Variants in NRXN1 observed in about 807,000 individuals in gnomAD.
The protein encoded by NRXN1 is neurexin-1.
Under a neutral mutation model 150.9 loss-of-function variants are expected in NRXN1, and 39 were observed. The observed-to-expected ratio is 0.26, with a 90% CI of 0.20 to 0.34. NRXN1 has a LOEUF of 0.34. NRXN1 is among the 10% of genes least tolerant of loss of function. NRXN1 has a pLI of 1.00. For missense variants in NRXN1, 1,815 were observed against 1,949.9 expected, an observed-to-expected ratio of 0.93 and a Z score of 1.30; for synonymous variants, 924 against 757.0, an observed-to-expected ratio of 1.22 and a Z score of -3.62.
chr2:50,094,128 T>C (rs1315202872), intron 18 of NRXN1, among the ~76,000 whole-genome samples: 2 of 152,234 alleles, frequency 1.3e-5, no homozygotes, highest in Non-Finnish European at 2.9e-5. Flanking sequence ...GTGGATATAA[T>C]AGAATATTAA....
intron 2 of NRXN1, among the ~76,000 whole-genome samples, chr2:50,931,199 T>C (rs1574964619): frequency 6.6e-6 from 1 of 152,286 alleles, no homozygotes; most frequent in South Asian, 2.1e-4. Context: ...AGCTGTCAAA[T>C]GTCTACTGGT....
rs188938739 is a variant in NRXN1, at chr2:50,951,219, G to C, written c.773-25264C>G. On this transcript the variant is annotated intron_variant, in intron 2 of 22. Coordinates refer to ENST00000401669, the MANE Select transcript of NRXN1 (RefSeq NM_001330078.2). ...GACAAAAGGGGATGAGATGAGAGGA[G>C]ATGAGATGAGAGGAGTACTATATCT... Among the ~76,000 whole-genome samples the C allele has an allele frequency of 2.0e-5, 3 of 152,284 alleles. No homozygotes were observed. The East Asian group carries it at 5.8e-4, about 29-fold the overall frequency.
intron 17 of NRXN1, among the ~76,000 whole-genome samples, chr2:50,447,334 G>C (rs1430084572): frequency 6.6e-6 from 1 of 151,408 alleles, no homozygotes; most frequent in African/African-American, 2.4e-5. Context: ...ACATAAATTA[G>C]CCAGGTGTGG....
chr2:50,279,766 T>C (rs1040506006), intron 17 of NRXN1, among the ~76,000 whole-genome samples: 10 of 152,298 alleles, frequency 6.6e-5, no homozygotes, highest in South Asian at 6.2e-4. Flanking sequence ...AGAATCATTT[T>C]CAAATTAGTA....
intron 5 of NRXN1, among the ~76,000 whole-genome samples, chr2:50,673,290 GT>G: frequency 6.6e-6 from 1 of 152,134 alleles, no homozygotes; most frequent in Admixed American, 6.5e-5. Flanking sequence ...AAAAAGACAT[GT>G]TTAGATCTAA....
intron 18 of NRXN1, among the ~76,000 whole-genome samples, chr2:50,114,026 T>C (rs529923147): frequency 1.3e-5 from 2 of 152,074 alleles, no homozygotes; most frequent in African/African-American, 2.4e-5. Context: ...TGAAAAGTAA[T>C]ATACAAACTG....
chr2:50,317,785 A>T (rs2075730995), intron 17 of NRXN1, among the ~76,000 whole-genome samples: 1 of 152,052 alleles, frequency 6.6e-6, no homozygotes, highest in Non-Finnish European at 1.5e-5. Context: ...AGTCAAAGCC[A>T]CCAACAACAT....
intron 12 of NRXN1, among the ~76,000 whole-genome samples, chr2:50,522,720 A>ATTTTTTTTTTTTTTTTTTTTTT (rs869200431): frequency 4.2e-5 from 2 of 47,724 alleles, no homozygotes; most frequent in East Asian, 5.0e-4. Context: ...ATTTTTATTC[A>ATTTTTTTTTTTTTTTTTTTTTT]TTTTTTTTTT....
chr2:50,442,452 G>T (rs566751392), intron 17 of NRXN1, among the ~76,000 whole-genome samples: 1 of 152,210 alleles, frequency 6.6e-6, no homozygotes, highest in East Asian at 1.9e-4. Flanking sequence ...AAGTTATTCA[G>T]ATTATCCAAC....
chr2:50,756,077 T>G (rs1015620558), intron 5 of NRXN1, among the ~76,000 whole-genome samples: 6 of 151,792 alleles, frequency 4.0e-5, no homozygotes, highest in Admixed American at 3.9e-4. Context: ...CTGAGCAGAA[T>G]TGCAGGTGGA....
At chr2:50,181,626 G>T (rs953774696) in intron 18 of NRXN1, among the ~76,000 whole-genome samples, 5 of 152,002 alleles carry the variant, frequency 3.3e-5, no homozygotes, top group Non-Finnish European at 5.9e-5. Flanking sequence ...CTGAGGACTA[G>T]GACTTTTTTT....
intron 17 of NRXN1, among the ~76,000 whole-genome samples, chr2:50,326,679 C>T (rs897727094): frequency 6.6e-6 from 1 of 152,000 alleles, no homozygotes; most frequent in Non-Finnish European, 1.5e-5. Context: ...TGCTTTGTTA[C>T]CTTTTGCTAT....
intron 17 of NRXN1, among the ~76,000 whole-genome samples, chr2:50,457,734 A>G (rs1285289814): frequency 6.6e-6 from 1 of 152,186 alleles, no homozygotes; most frequent in Non-Finnish European, 1.5e-5. Context: ...TAATCATCAG[A>G]GAAATGCAAA....
chr2:50,886,010 T>C (rs1296706832), intron 5 of NRXN1, among the ~76,000 whole-genome samples: 1 of 151,402 alleles, frequency 6.6e-6, no homozygotes, highest in Non-Finnish European at 1.5e-5. Context: ...ACTCTGTAAT[T>C]TGGTTTGAAT....
intron 5 of NRXN1, among the ~76,000 whole-genome samples, chr2:50,814,257 A>G (rs1414364959): frequency 1.3e-5 from 2 of 152,174 alleles, no homozygotes; most frequent in East Asian, 3.9e-4. Context: ...TTGTCCTCCC[A>G]AAGTGCTGGG....
At chr2:50,875,627 T>C (rs575364257) in intron 5 of NRXN1, among the ~76,000 whole-genome samples, 3 of 151,896 alleles carry the variant, frequency 2.0e-5, no homozygotes, top group Non-Finnish European at 2.9e-5. Context: ...AGCTCCTCAA[T>C]TGAGATTTTA....
At chr2:50,326,175 C>T (rs1433554160) in intron 17 of NRXN1, among the ~76,000 whole-genome samples, 4 of 151,676 alleles carry the variant, frequency 2.6e-5, no homozygotes, top group Admixed American at 2.0e-4. Flanking sequence ...GTTTGTAGTC[C>T]AATATTAATA....
At chr2:51,004,411 C>A (rs1414029448) in intron 2 of NRXN1, among the ~76,000 whole-genome samples, 2 of 151,860 alleles carry the variant, frequency 1.3e-5, no homozygotes, top group Admixed American at 1.3e-4. Flanking sequence ...TTGGATAAGT[C>A]ATCAGCCTAG....
At chr2:50,899,723 T>A (rs1682619859) in intron 5 of NRXN1, among the ~76,000 whole-genome samples, 1 of 152,144 alleles carries the variant, frequency 6.6e-6, no homozygotes, top group Non-Finnish European at 1.5e-5. Flanking sequence ...TACAAAGAAT[T>A]TATAGGTTCT....
Sources: gnomAD v4.1 joint callset for allele counts (sites outside exome capture counted in the v4.1 genomes callset) on GRCh38, gnomAD v4.1.1 for gene constraint, MANE v1.5 for transcripts, NCBI Gene and HGNC (gene_info 2026-07-23, HGNC 2026-07-21) for gene names.